Variants in TMEM132B observed in about 807,000 individuals in gnomAD.
TMEM132B encodes the protein transmembrane protein 132B.
A neutral mutation model predicts 90.8 loss-of-function variants in TMEM132B; 18 were observed. The ratio of observed to expected loss-of-function variants is 0.20; its 90% CI spans 0.14 to 0.29. TMEM132B has a LOEUF of 0.29. TMEM132B is among the 10% of genes least tolerant of loss of function. TMEM132B has a pLI of 1.00. For missense variants in TMEM132B, 1,096 were observed against 1,326.8 expected (o/e 0.83, Z 2.70); for synonymous variants, 504 against 523.3 (o/e 0.96, Z 0.50).
At chr12:125,649,317 G>T (rs978172366) in intron 6 of TMEM132B, among the ~76,000 whole-genome samples, 1 of 152,160 alleles carries the variant, frequency 6.6e-6, no homozygotes, top group Admixed American at 6.5e-5. Context: ...CTCTGAGCCT[G>T]GTTTCTTTAT....
intron 1 of TMEM132B, among the ~76,000 whole-genome samples, chr12:125,194,798 G>T (rs990701766): frequency 6.6e-6 from 1 of 152,246 alleles, no homozygotes; most frequent in African/African-American, 2.4e-5. Context: ...CAAGGGAAGG[G>T]AAGGGGGAGG....
At chr12:125,220,729 C>T (rs952263712) in intron 1 of TMEM132B, among the ~76,000 whole-genome samples, 2 of 152,222 alleles carry the variant, frequency 1.3e-5, no homozygotes, top group Non-Finnish European at 2.9e-5. Context: ...CCTCTACCCT[C>T]GTCCTGCTGT....
At chr12:125,198,097 A>G (rs1872971417) in intron 1 of TMEM132B, among the ~76,000 whole-genome samples, 1 of 152,182 alleles carries the variant, frequency 6.6e-6, no homozygotes, top group Non-Finnish European at 1.5e-5. Flanking sequence ...GTGTTTCTTC[A>G]TATTGGGTTA....
intron 4 of TMEM132B, among the ~76,000 whole-genome samples, chr12:125,525,506 G>T (rs1342991549): frequency 6.6e-6 from 1 of 152,226 alleles, no homozygotes; most frequent in Non-Finnish European, 1.5e-5. Context: ...CAGCAACAAG[G>T]CACCATCTTG....
chr12:125,190,221 G>C (rs529507739), intron 1 of TMEM132B, among the ~76,000 whole-genome samples: 1 of 152,314 alleles, frequency 6.6e-6, no homozygotes, highest in South Asian at 2.1e-4. Flanking sequence ...GTACCTGGGA[G>C]CTCTTCTGGT....
In TMEM132B at chr12:125,408,887, C is replaced by T. The variant is rs904618598; in HGVS notation, c.960-6644C>T. Among the ~76,000 whole-genome samples the T allele has an allele frequency of 2.0e-5, 3 of 152,160 alleles. No homozygotes were observed. Among genetic ancestry groups the T allele is most frequent in the Non-Finnish European group, 4.4e-5 (3 of 68,020 alleles). ...TGACCAGGCCACCATTTGCTTTTTT[C>T]TCTCTTTTCAGTTTAGCCATTCTGC... On this transcript the variant is annotated intron_variant, in intron 2 of 8. Coordinates refer to ENST00000682704, the MANE Select transcript of TMEM132B (RefSeq NM_001366854.1). This position sits in a 1 kb window ranked among gnomAD's most constrained non-coding sequence, Gnocchi z 5.9.
chr12:125,265,427 G>A (rs1013298584), intron 1 of TMEM132B, among the ~76,000 whole-genome samples: 12 of 152,018 alleles, frequency 7.9e-5, no homozygotes, highest in African/African-American at 2.7e-4. Flanking sequence ...TAAACATTAC[G>A]TGAATGTGGT....
chr12:125,417,266 C>T (rs1165013443), intron 3 of TMEM132B, among the ~76,000 whole-genome samples: 1 of 152,150 alleles, frequency 6.6e-6, no homozygotes, highest in African/African-American at 2.4e-5. Context: ...GGGAGGAAAA[C>T]CTTTCCAACA....
chr12:125,268,516 A>G (rs1228734734), intron 1 of TMEM132B, among the ~76,000 whole-genome samples: 1 of 152,246 alleles, frequency 6.6e-6, no homozygotes, highest in African/African-American at 2.4e-5. Context: ...TATTGGCTGT[A>G]ACCATCTCCA....
intron 2 of TMEM132B, among the ~76,000 whole-genome samples, chr12:125,371,959 T>G (rs781355226): frequency 3.3e-5 from 5 of 152,234 alleles, no homozygotes; most frequent in African/African-American, 4.8e-5. Context: ...TGACTGTCAC[T>G]CACTTCGGTT....
At chr12:125,211,980 ATTTGTTGG>A (rs1348791616) in intron 1 of TMEM132B, among the ~76,000 whole-genome samples, 2 of 152,112 alleles carry the variant, frequency 1.3e-5, no homozygotes, top group Non-Finnish European at 2.9e-5. Flanking sequence ...CCTACAAATC[ATTTGTTGG>A]TTTGAACAGG....
At chr12:125,358,409 A>T (rs1383570964) in intron 2 of TMEM132B, among the ~76,000 whole-genome samples, 1 of 151,846 alleles carries the variant, frequency 6.6e-6, no homozygotes, top group Non-Finnish European at 1.5e-5. Flanking sequence ...TATTTAACAG[A>T]CATTCTTAAA....
Position 125,282,054 on chromosome 12 carries a change from AAAAAAAG to A in TMEM132B, c.68-67396_68-67390del, listed in dbSNP as rs1231244422. On this transcript the variant is annotated intron_variant, in intron 1 of 8. Transcript: ENST00000682704. ...AAAAAAAAAAAAAAAAAAAAAAAAA[AAAAAAAG>A]AGAGACTTTTGAAGCTTGGTGAGAG... 1.9e-3 allele frequency among the ~76,000 whole-genome samples: 66 copies of A among 34,096 alleles called. 5 individuals are homozygous for A. Among genetic ancestry groups the A allele is most frequent in the Non-Finnish European group, 2.9e-3 (47 of 15,982 alleles). The allele number at this position is 34,096 out of a possible 152,430, so 22.4% of individuals were successfully genotyped here.
chr12:125,370,368 A>G (rs1478532711), intron 2 of TMEM132B, among the ~76,000 whole-genome samples: 2 of 152,228 alleles, frequency 1.3e-5, no homozygotes, highest in African/African-American at 4.8e-5. Context: ...AGAAGGGAGA[A>G]AGGAGAGAGA....
intron 1 of TMEM132B, among the ~76,000 whole-genome samples, chr12:125,259,314 C>T (rs1347718783): frequency 2.0e-5 from 3 of 152,258 alleles, no homozygotes; most frequent in South Asian, 2.1e-4. Context: ...TATAGGCATC[C>T]GATAAAATTC....
intron 2 of TMEM132B, among the ~76,000 whole-genome samples, chr12:125,403,369 A>C (rs1441452272): frequency 6.6e-6 from 1 of 152,206 alleles, no homozygotes; most frequent in African/African-American, 2.4e-5. Flanking sequence ...CGTTGCCCAA[A>C]TAAAACTCGT....
intron 3 of TMEM132B, among the ~76,000 whole-genome samples, chr12:125,434,078 G>C (rs1347014670): frequency 6.6e-6 from 1 of 152,204 alleles, no homozygotes; most frequent in East Asian, 1.9e-4. Context: ...GTTAAGTCAA[G>C]GCATTGCAGA....
chr12:125,367,863 T>A (rs1878179525), intron 2 of TMEM132B, among the ~76,000 whole-genome samples: 1 of 152,182 alleles, frequency 6.6e-6, no homozygotes, highest in African/African-American at 2.4e-5. Context: ...ATTATTGATG[T>A]GGTTGGAATT....
intron 1 of TMEM132B, among the ~76,000 whole-genome samples, chr12:125,300,199 C>G (rs1875786287): frequency 6.7e-6 from 1 of 149,768 alleles, no homozygotes; most frequent in Non-Finnish European, 1.5e-5. Flanking sequence ...CCCTTTTGTT[C>G]TTTTTTTTTT....
Sources: allele counts gnomAD v4.1 joint callset (sites outside exome capture counted in the v4.1 genomes callset), GRCh38; gene constraint gnomAD v4.1.1; non-coding constraint Gnocchi (gnomAD v3.1); transcripts MANE v1.5; gene names NCBI Gene and HGNC (gene_info 2026-07-23, HGNC 2026-07-21).